The following RALGAPA2 variants were observed in gnomAD, a reference collection of about 807,000 sequenced individuals.
RALGAPA2 encodes Ral GTPase activating protein catalytic subunit alpha 2.
A neutral mutation model predicts 230.4 loss-of-function variants in RALGAPA2; 139 were observed. That is an observed-to-expected ratio of 0.60 (90% CI 0.53 to 0.69). RALGAPA2 has a LOEUF of 0.69. RALGAPA2 is among the 30% of genes least tolerant of loss of function. The pLI is 0.00. For synonymous variants in RALGAPA2, 847 were observed against 837.8 expected (o/e 1.01, Z -0.19); for missense variants, 2,163 against 2,276.0 (o/e 0.95, Z 1.01).
intron 1 of RALGAPA2, among the ~76,000 whole-genome samples, chr20:20,704,605 C>G (rs1169205063): frequency 9.2e-5 from 14 of 152,230 alleles, no homozygotes; most frequent in Non-Finnish European, 1.5e-5. Flanking sequence ...ATGCTCCCCA[C>G]ATGGTGGGAA....
chr20:20,622,819 A>G (rs949328101), intron 10 of RALGAPA2, among the ~76,000 whole-genome samples: 1 of 152,312 alleles, frequency 6.6e-6, no homozygotes, highest in African/African-American at 2.4e-5. Context: ...TATGAATAAA[A>G]AGAATAAAAC....
chr20:20,660,045 G>C (rs569046607), intron 3 of RALGAPA2: 2 of 176,892 alleles, frequency 1.1e-5, no homozygotes, highest in South Asian at 2.5e-4. Context: ...AGAAGTTCGA[G>C]ACCAGCCTGG....
intron 37 of RALGAPA2, among the ~76,000 whole-genome samples, chr20:20,427,784 G>A (rs897753181): frequency 4.5e-5 from 4 of 89,166 alleles, no homozygotes; most frequent in Non-Finnish European, 6.8e-5. Context: ...AGGGAAAAAA[G>A]ATTTTTTTTT....
chr20:20,706,180 T>C (rs2069595277), intron 1 of RALGAPA2, among the ~76,000 whole-genome samples: 1 of 152,212 alleles, frequency 6.6e-6, no homozygotes, highest in Admixed American at 6.5e-5. Context: ...GAAGCCAACC[T>C]TTTTCAGTTA....
intron 39 of RALGAPA2, among the ~76,000 whole-genome samples, 175 bp downstream of exon 39, chr20:20,396,520 G>A (rs967863070): frequency 6.6e-5 from 10 of 152,244 alleles, no homozygotes; most frequent in Non-Finnish European, 1.2e-4. Flanking sequence ...GGGCTTCCCC[G>A]GGCAGCGCAG....
intron 38 of RALGAPA2, among the ~76,000 whole-genome samples, chr20:20,400,337 C>T (rs543844944): frequency 2.0e-5 from 3 of 152,166 alleles, no homozygotes; most frequent in Non-Finnish European, 4.4e-5. Context: ...TGCCCATCAC[C>T]CTTGGTTCAG....
In RALGAPA2 at chr20:20,421,268, T is replaced by C. The variant is rs374546642; in HGVS notation, c.5496-9120A>G. Among the ~76,000 whole-genome samples, 57 of 152,308 alleles carry C rather than the reference T, an allele frequency of 3.7e-4. No individual in the cohort carries two copies. The East Asian group carries it at 9.7e-3, about 26-fold the overall frequency. Reference sequence around the variant, plus strand: ...AACTATAATAAGATACGACCTCACGTCTACTAGGATGACTATAATCAAAAG... The same window carrying C: ...AACTATAATAAGATACGACCTCACGCCTACTAGGATGACTATAATCAAAAG... On this transcript the variant is annotated intron_variant, in intron 37 of 39. Coordinates refer to ENST00000202677, the MANE Select transcript of RALGAPA2 (RefSeq NM_020343.4).
At position 20,390,160 on chromosome 20, in the gene RALGAPA2, G is replaced by C. The variant is rs1469103591; in HGVS notation, c.*3129C>G. Reference sequence around the variant, plus strand: ...GATACAGCAGGTCCATGGGGCGCAGGTGGTGCCACCTGAGGAAGGTCAGGA... The same window carrying C: ...GATACAGCAGGTCCATGGGGCGCAGCTGGTGCCACCTGAGGAAGGTCAGGA... On this transcript the variant is annotated 3_prime_UTR_variant, in exon 40 of 40. Coordinates refer to ENST00000202677, the MANE Select transcript of RALGAPA2 (RefSeq NM_020343.4). The C allele has an allele frequency of 6.6e-6, 1 of 152,222 alleles. No individual in the cohort carries two copies. The highest frequency in any genetic ancestry group is 1.5e-5 in the Non-Finnish European group (1 of 68,054). The allele number at this position is 152,222 out of a possible 1,614,324, so 9.4% of individuals were successfully genotyped here. A position where few individuals can be genotyped will look rare whatever the true frequency, so the allele number is the denominator to read the frequency against.
chr20:20,482,321 G>A (rs1170070406), intron 36 of RALGAPA2, among the ~76,000 whole-genome samples: 1 of 152,164 alleles, frequency 6.6e-6, no homozygotes, highest in African/African-American at 2.4e-5. Flanking sequence ...ATGTATTCAA[G>A]AAGGCAAAAG....
At chr20:20,546,575 A>G in intron 24 of RALGAPA2, 129 bp downstream of exon 24, 4 of 1,213,926 alleles carry the variant, frequency 3.3e-6, no homozygotes, top group South Asian at 2.7e-5. Flanking sequence ...CTGCCAGGGT[A>G]TCTACCCTGA....
chr20:20,395,205 G>A (rs1437131968), intron 39 of RALGAPA2, among the ~76,000 whole-genome samples: 4 of 152,208 alleles, frequency 2.6e-5, no homozygotes, highest in Non-Finnish European at 4.4e-5. Context: ...CTGCAGCTGG[G>A]CTGCAGCCAG....
chr20:20,392,849 A>T lies in RALGAPA2; in HGVS notation c.*440T>A. 1 of 254,094 alleles carries T rather than the reference A, an allele frequency of 3.9e-6. No homozygotes were observed. Among genetic ancestry groups the T allele is most frequent in the Non-Finnish European group, 7.8e-6 (1 of 127,678 alleles). The allele number at this position is 254,094 out of a possible 1,614,324, so 15.7% of individuals were successfully genotyped here. On this transcript the variant is annotated 3_prime_UTR_variant, in exon 40 of 40. Coordinates refer to ENST00000202677, the MANE Select transcript of RALGAPA2 (RefSeq NM_020343.4). ...TTGGGTTCATAAATGAGAAGAAACAACTTGGGGTGCAGAAGCAAGCTGCCC... is the reference window on the plus strand; with the variant it reads ...TTGGGTTCATAAATGAGAAGAAACATCTTGGGGTGCAGAAGCAAGCTGCCC...
chr20:20,502,390 G>C (rs531283793), intron 35 of RALGAPA2, among the ~76,000 whole-genome samples: 61 of 152,344 alleles, frequency 4.0e-4, no homozygotes, highest in Non-Finnish European at 8.1e-4. Flanking sequence ...GGGCAATAAT[G>C]AGGGATGATG....
At chr20:20,463,257 A>G (rs1207798414) in intron 37 of RALGAPA2, among the ~76,000 whole-genome samples, 1 of 152,008 alleles carries the variant, frequency 6.6e-6, no homozygotes, top group African/African-American at 2.4e-5. Context: ...CAATGAATTA[A>G]CTATTTAAGA....
intron 37 of RALGAPA2, among the ~76,000 whole-genome samples, chr20:20,457,476 A>G (rs923867253): frequency 6.6e-6 from 1 of 152,148 alleles, no homozygotes; most frequent in East Asian, 1.9e-4. Flanking sequence ...CAAATGTCCT[A>G]AATTTGGTGA....
chr20:20,509,753 G>A (rs1025237703), intron 33 of RALGAPA2, among the ~76,000 whole-genome samples: 5 of 152,146 alleles, frequency 3.3e-5, no homozygotes, highest in Admixed American at 2.0e-4. Flanking sequence ...CCCACAAAAT[G>A]GTCAATACAA....
rs374794807 is a variant in RALGAPA2 at position 20,546,728 on chromosome 20, C to A, written c.3261G>T (p.Arg1087Ser). Residue 1087 changes from arginine (R) to serine (S), a missense_variant, in exon 24 of 40, where the codon AGG becomes AGT. By Grantham distance (110) the Arg-to-Ser change is moderately radical. Transcript: ENST00000202677. ...CCGTCAAAATGTCTGTGCTAAGGAC[C>A]CTGGCAGCGGCCGTGATGAAGTCCC... ...LVGDFITAAA[R>S]VLSTDILTAP... The A allele has an allele frequency of 1.0e-4, 168 of 1,608,992 alleles. No individual in the cohort carries two copies. Among genetic ancestry groups the A allele is most frequent in the Middle Eastern group, 1.7e-4 (1 of 6,032 alleles).
At chr20:20,554,794 G>A (rs2064033291) in intron 23 of RALGAPA2, among the ~76,000 whole-genome samples, 2 of 152,020 alleles carry the variant, frequency 1.3e-5, no homozygotes, top group Non-Finnish European at 2.9e-5. Context: ...ATGAGCCACC[G>A]TGCCTGGCTG....
At chr20:20,573,440 G>C (rs1436294048) in intron 20 of RALGAPA2, among the ~76,000 whole-genome samples, 2 of 152,070 alleles carry the variant, frequency 1.3e-5, no homozygotes, top group African/African-American at 4.8e-5. Flanking sequence ...TTGTTGTTAG[G>C]TCAGGTTCAT....
Sources: gnomAD v4.1 joint callset for allele counts (sites outside exome capture counted in the v4.1 genomes callset) on GRCh38, gnomAD v4.1.1 for gene constraint, MANE v1.5 for transcripts, NCBI Gene and HGNC (gene_info 2026-07-23, HGNC 2026-07-21) for gene names.